Variants in MMP26 observed in about 807,000 individuals in gnomAD.
MMP26 encodes matrix metalloproteinase-26.
In MMP26, 33 loss-of-function variants were observed where a neutral mutation model predicts 31.0. The observed-to-expected ratio is 1.06, with a 90% CI of 0.81 to 1.42. The LOEUF is 1.42. Among genes scored for constraint, MMP26 ranks in the 40% most tolerant of loss-of-function variants. MMP26 has a pLI of 0.00. For missense variants in MMP26, 347 were observed against 316.1 expected, an observed-to-expected ratio of 1.10 and a Z score of -0.74; for synonymous variants, 122 against 114.9, an observed-to-expected ratio of 1.06 and a Z score of -0.40.
At chr11:4,760,850 A>C (rs1408006320) in intron 1 of MMP26, among the ~76,000 whole-genome samples, 1 of 152,232 alleles carries the variant, frequency 6.6e-6, no homozygotes, top group Non-Finnish European at 1.5e-5. Context: ...AACCAATTCA[A>C]AATATAATTT....
At chr11:4,978,500 C>T (rs1846769524) in intron 2 of MMP26, among the ~76,000 whole-genome samples, 1 of 152,068 alleles carries the variant, frequency 6.6e-6, no homozygotes, top group Non-Finnish European at 1.5e-5. Flanking sequence ...GAATCAGGAT[C>T]TCTAAACCAA....
Position 4,839,087 on chromosome 11 carries a change from C to T in MMP26, c.-145+71746C>T, listed in dbSNP as rs576926377. Among the ~76,000 whole-genome samples, 8 of 152,116 alleles carry T rather than the reference C, an allele frequency of 5.3e-5. No homozygotes were observed. The East Asian group carries it at 1.4e-3, about 26-fold the overall frequency. On this transcript the variant is annotated intron_variant, in intron 2 of 7. Coordinates refer to ENST00000380390, the MANE Select transcript of MMP26 (RefSeq NM_021801.5). Reference sequence around the variant, plus strand: ...AGAGCAGGAAAATAACAAATAACAACAACAACAAAACTGGACCAAACTCAG... The same window carrying T: ...AGAGCAGGAAAATAACAAATAACAATAACAACAAAACTGGACCAAACTCAG...
At chr11:4,857,958 G>T (rs1850079849) in intron 2 of MMP26, among the ~76,000 whole-genome samples, 1 of 152,128 alleles carries the variant, frequency 6.6e-6, no homozygotes, top group Non-Finnish European at 1.5e-5. Flanking sequence ...CATATAAACA[G>T]AACCAAAGAC....
intron 2 of MMP26, among the ~76,000 whole-genome samples, chr11:4,789,225 C>A (rs1487498551): frequency 1.3e-5 from 2 of 152,066 alleles, no homozygotes; most frequent in African/African-American, 2.4e-5. Context: ...TTTTGTATTG[C>A]AAAATTTTAA....
intron 1 of MMP26, among the ~76,000 whole-genome samples, chr11:4,727,946 A>G (rs1485804279): frequency 1.3e-5 from 2 of 152,228 alleles, no homozygotes; most frequent in Non-Finnish European, 2.9e-5. Context: ...AAATGTCACA[A>G]CACTGCTGAG....
At chr11:4,835,938 G>A (rs1275098418) in intron 2 of MMP26, among the ~76,000 whole-genome samples, 1 of 151,720 alleles carries the variant, frequency 6.6e-6, no homozygotes. Context: ...TGTAAGATAA[G>A]AACTGCTTTA....
In MMP26 at chr11:4,757,375, C is replaced by T. The variant is rs1848517387; in HGVS notation, c.-216-9895C>T. 2.0e-5 allele frequency among the ~76,000 whole-genome samples: 3 copies of T among 151,690 alleles called. No homozygotes were observed. In the South Asian group the frequency reaches 6.2e-4, roughly 31 times the overall value. On this transcript the variant is annotated intron_variant, in intron 1 of 7. Coordinates refer to ENST00000380390, the MANE Select transcript of MMP26 (RefSeq NM_021801.5). ...AAATGTAAGAGCTAAAAATCAGAAA[C>T]TTCTAGAAAAAAAATCGGAGAAGAT...
At chr11:4,900,169 T>C (rs1190790406) in intron 2 of MMP26, among the ~76,000 whole-genome samples, 1 of 152,174 alleles carries the variant, frequency 6.6e-6, no homozygotes, top group Non-Finnish European at 1.5e-5. Context: ...TGGTTGTGTG[T>C]CTACTGTTGC....
chr11:4,834,155 G>T (rs1272134062), intron 2 of MMP26, among the ~76,000 whole-genome samples: 1 of 152,128 alleles, frequency 6.6e-6, no homozygotes, highest in East Asian at 1.9e-4. Context: ...TCTCTCCTCT[G>T]CATGCCTCAT....
intron 2 of MMP26, among the ~76,000 whole-genome samples, chr11:4,782,275 C>A (rs1304737428): frequency 1.3e-5 from 2 of 152,230 alleles, no homozygotes; most frequent in Non-Finnish European, 2.9e-5. Flanking sequence ...GAAACCCAGG[C>A]TGAGGTGGTC....
chr11:4,705,576 T>C (rs1257431876), intron 1 of MMP26, among the ~76,000 whole-genome samples: 1 of 152,200 alleles, frequency 6.6e-6, no homozygotes, highest in Non-Finnish European at 1.5e-5. Context: ...ATGGAAGAAT[T>C]CTCAGTGGGG....
chr11:4,783,831 C>T (rs1366373575), intron 2 of MMP26, among the ~76,000 whole-genome samples: 1 of 152,190 alleles, frequency 6.6e-6, no homozygotes, highest in African/African-American at 2.4e-5. Flanking sequence ...TCTTGGCGCT[C>T]ATTCTCTCTT....
chr11:4,865,605 C>T (rs1419404433), intron 2 of MMP26, among the ~76,000 whole-genome samples: 1 of 151,572 alleles, frequency 6.6e-6, no homozygotes, highest in African/African-American at 2.4e-5. Context: ...CCTCCTCCTC[C>T]TTCTTCTTAT....
intron 2 of MMP26, chr11:4,804,050 A>G: frequency 6.2e-7 from 1 of 1,614,010 alleles, no homozygotes; most frequent in Non-Finnish European, 8.5e-7. Flanking sequence ...TCCACAGAAG[A>G]AAAGGCATGG....
intron 2 of MMP26, among the ~76,000 whole-genome samples, chr11:4,953,617 T>C (rs1433026009): frequency 8.1e-6 from 1 of 123,340 alleles, no homozygotes; most frequent in Non-Finnish European, 1.8e-5. Context: ...AACAAAAGAG[T>C]TCTGATGTGA....
chr11:4,818,783 T>C (rs956331747), intron 2 of MMP26, among the ~76,000 whole-genome samples: 5 of 152,186 alleles, frequency 3.3e-5, no homozygotes, highest in Non-Finnish European at 7.4e-5. Context: ...ATAGAGAAGG[T>C]ACTTAATAAA....
intron 2 of MMP26, among the ~76,000 whole-genome samples, chr11:4,791,345 G>A (rs762473720): frequency 5.9e-5 from 9 of 152,058 alleles, no homozygotes; most frequent in African/African-American, 1.4e-4. Context: ...TATCCAAGTC[G>A]GAGACCAATT....
intron 2 of MMP26, among the ~76,000 whole-genome samples, chr11:4,772,800 A>T (rs1848743493): frequency 6.6e-6 from 1 of 152,190 alleles, no homozygotes; most frequent in South Asian, 2.1e-4. Flanking sequence ...GAGAAGCTGC[A>T]CATTTGTGGA....
At chr11:4,960,909 T>C (rs1464842432) in intron 2 of MMP26, among the ~76,000 whole-genome samples, 1 of 152,186 alleles carries the variant, frequency 6.6e-6, no homozygotes, top group Non-Finnish European at 1.5e-5. Flanking sequence ...GTATAATAGT[T>C]ACTGAGCAAA....
Sources: allele counts gnomAD v4.1 joint callset (sites outside exome capture counted in the v4.1 genomes callset), GRCh38; gene constraint gnomAD v4.1.1; transcripts MANE v1.5; gene names NCBI Gene and HGNC (gene_info 2026-07-23, HGNC 2026-07-21).